The following NEDD1 variants were observed in gnomAD, a reference collection of about 807,000 sequenced individuals.
NEDD1 encodes the protein protein NEDD1.
A neutral mutation model predicts 74.0 loss-of-function variants in NEDD1; 33 were observed. The observed-to-expected ratio is 0.45, with a 90% CI of 0.34 to 0.60. NEDD1 has a LOEUF of 0.60. Among genes scored for constraint, NEDD1 ranks in the 20% least tolerant of loss-of-function variants. The pLI, the probability that NEDD1 is intolerant of heterozygous loss-of-function variation, is 0.01. For synonymous variants in NEDD1, 250 were observed against 264.4 expected, an observed-to-expected ratio of 0.95 and a Z score of 0.53; for missense variants, 746 against 776.5, an observed-to-expected ratio of 0.96 and a Z score of 0.47.
intron 9 of NEDD1, among the ~76,000 whole-genome samples, chr12:96,939,877 C>T (rs1877490495): frequency 6.6e-6 from 1 of 151,940 alleles, no homozygotes; most frequent in Admixed American, 6.6e-5. Flanking sequence ...ATGCTGAGGG[C>T]AATGTTAAGC....
chr12:96,938,367 A>G (rs901010705), intron 9 of NEDD1, among the ~76,000 whole-genome samples: 14 of 152,222 alleles, frequency 9.2e-5, no homozygotes, highest in Admixed American at 4.6e-4. Context: ...TTTTTGAAAT[A>G]TAACTTTGAG....
intron 14 of NEDD1, among the ~76,000 whole-genome samples, chr12:96,947,215 G>GT (rs1042519410): frequency 6.6e-6 from 1 of 152,026 alleles, no homozygotes; most frequent in African/African-American, 2.4e-5. Context: ...AAGAATATAC[G>GT]TTTTTTTCAG....
intron 9 of NEDD1, among the ~76,000 whole-genome samples, chr12:96,938,460 TTCTC>T (rs1877344823): frequency 6.6e-6 from 1 of 152,086 alleles, no homozygotes; most frequent in Admixed American, 6.6e-5. Context: ...AAAATAAAGA[TTCTC>T]TCATTCACTG....
intron 4 of NEDD1, among the ~76,000 whole-genome samples, chr12:96,916,288 G>T (rs1391948864): frequency 2.0e-5 from 3 of 148,314 alleles, no homozygotes; most frequent in African/African-American, 7.4e-5. Context: ...AAGTTTTAGG[G>T]TACATGTGCA....
intron 6 of NEDD1, among the ~76,000 whole-genome samples, chr12:96,932,444 A>C (rs1405753889): frequency 1.6e-4 from 4 of 25,352 alleles, no homozygotes; most frequent in African/African-American, 5.6e-4. Flanking sequence ...CTGTCTCTTA[A>C]AAAAAAAAAA....
intron 6 of NEDD1, among the ~76,000 whole-genome samples, chr12:96,928,181 A>G (rs1445051011): frequency 6.6e-6 from 1 of 152,108 alleles, no homozygotes; most frequent in African/African-American, 2.4e-5. Flanking sequence ...CCATATAGTT[A>G]TACTCATTCT....
At chr12:96,920,803 C>T (rs1165194981) in intron 6 of NEDD1, among the ~76,000 whole-genome samples, 1 of 151,294 alleles carries the variant, frequency 6.6e-6, no homozygotes, top group African/African-American at 2.4e-5. Flanking sequence ...TCTCTTTGGC[C>T]ATAACTATTA....
chr12:96,913,720 C>T (rs1178750414), intron 4 of NEDD1, among the ~76,000 whole-genome samples: 1 of 151,948 alleles, frequency 6.6e-6, no homozygotes, highest in Non-Finnish European at 1.5e-5. Flanking sequence ...ATAATACTGG[C>T]TTCTTCATTT....
intron 6 of NEDD1, among the ~76,000 whole-genome samples, chr12:96,922,879 C>T (rs1875252675): frequency 6.6e-6 from 1 of 152,140 alleles, no homozygotes; most frequent in Non-Finnish European, 1.5e-5. Context: ...CTTTGGGAGG[C>T]TGAGGCAGGC....
intron 14 of NEDD1, among the ~76,000 whole-genome samples, chr12:96,950,589 G>A (rs1878620453): frequency 1.3e-5 from 2 of 151,872 alleles, no homozygotes; most frequent in South Asian, 4.1e-4. Flanking sequence ...TTAAATATAA[G>A]CTATATGGTA....
intron 6 of NEDD1, among the ~76,000 whole-genome samples, chr12:96,923,980 A>G (rs1271301139): frequency 6.6e-6 from 1 of 151,992 alleles, no homozygotes; most frequent in Non-Finnish European, 1.5e-5. Flanking sequence ...TTTTGAAGAT[A>G]CTATTCTGTG....
intron 1 of NEDD1, 64 bp from the exon 2 acceptor site, chr12:96,907,540 G>A (rs886553474): frequency 4.9e-6 from 7 of 1,429,198 alleles, no homozygotes; most frequent in African/African-American, 2.8e-5. Context: ...CCTCCGAAAA[G>A]TTTGCCTCGT....
intron 8 of NEDD1, 145 bp downstream of exon 8, chr12:96,936,957 C>T: frequency 3.5e-6 from 2 of 574,662 alleles, no homozygotes; most frequent in Non-Finnish European, 5.7e-6. Flanking sequence ...AATTTTAGTA[C>T]AAAGCCATTT....
chr12:96,930,195 A>ACTCT (rs1876255163), intron 6 of NEDD1, among the ~76,000 whole-genome samples: 1 of 74,736 alleles, frequency 1.3e-5, no homozygotes, highest in African/African-American at 5.4e-5. Context: ...ACACACACAC[A>ACTCT]CACACACACA....
At chr12:96,943,475 T>G in intron 11 of NEDD1, 85 bp from the exon 12 acceptor site, 2 of 846,378 alleles carry the variant, frequency 2.4e-6, no homozygotes, top group Non-Finnish European at 3.9e-6. Context: ...TCTTCCATGT[T>G]AATCTGCCTA....
At chr12:96,921,132 C>G (rs894952402) in intron 6 of NEDD1, among the ~76,000 whole-genome samples, 1 of 152,110 alleles carries the variant, frequency 6.6e-6, no homozygotes, top group Non-Finnish European at 1.5e-5. Context: ...AAACTGGCCT[C>G]TTTGCCAATT....
At chr12:96,939,655 GT>G (rs1365672053) in intron 9 of NEDD1, among the ~76,000 whole-genome samples, 1 of 151,904 alleles carries the variant, frequency 6.6e-6, no homozygotes, top group African/African-American at 2.4e-5. Flanking sequence ...TAAAACTGTC[GT>G]TACTCCAGTA....
intron 6 of NEDD1, among the ~76,000 whole-genome samples, chr12:96,925,990 T>C (rs1875648164): frequency 6.6e-6 from 1 of 152,186 alleles, no homozygotes; most frequent in Non-Finnish European, 1.5e-5. Flanking sequence ...CAAGCCTCCT[T>C]TTCCTTATCT....
intron 13 of NEDD1, 35 bp downstream of exon 13, chr12:96,944,830 TTTGA>T (rs1323619954): frequency 2.1e-6 from 3 of 1,449,730 alleles, no homozygotes; most frequent in African/African-American, 1.5e-5. Context: ...TTTGAAAGTG[TTTGA>T]TTGAAAAATC....
Sources: gnomAD v4.1 joint callset for allele counts (sites outside exome capture counted in the v4.1 genomes callset) on GRCh38, gnomAD v4.1.1 for gene constraint, MANE v1.5 for transcripts, NCBI Gene and HGNC (gene_info 2026-07-23, HGNC 2026-07-21) for gene names.